Variants in MACROD2 observed in about 807,000 individuals in gnomAD.
The protein encoded by MACROD2 is mono-ADP ribosylhydrolase 2.
Under a neutral mutation model 70.4 loss-of-function variants are expected in MACROD2, and 36 were observed. The observed-to-expected ratio is 0.51, with a 90% confidence interval of 0.39 to 0.68. MACROD2 has a LOEUF of 0.68. MACROD2 is among the 30% of genes least tolerant of loss of function. The pLI is 0.00. For synonymous variants in MACROD2, 172 were observed against 178.8 expected (o/e 0.96, Z 0.30); for missense variants, 496 against 538.4 (o/e 0.92, Z 0.78).
chr20:14,372,113 A>G (rs1029509296), intron 3 of MACROD2, among the ~76,000 whole-genome samples: 38 of 152,164 alleles, frequency 2.5e-4, no homozygotes, highest in African/African-American at 8.4e-4. Context: ...TGAGCCCTGC[A>G]TAGGCTTGGT....
intron 12 of MACROD2, among the ~76,000 whole-genome samples, chr20:15,955,557 T>C (rs1212812854): frequency 6.6e-6 from 1 of 152,138 alleles, no homozygotes; most frequent in Non-Finnish European, 1.5e-5. Flanking sequence ...AAGCTATAAT[T>C]TTCCATCTTC....
chr20:15,914,040 A>G (rs1397781189), intron 10 of MACROD2, among the ~76,000 whole-genome samples: 1 of 152,230 alleles, frequency 6.6e-6, no homozygotes, highest in African/African-American at 2.4e-5. Context: ...TTGTTTAAAG[A>G]GTTCTTTAGG....
In MACROD2 at chr20:15,400,836, A is replaced by G. The variant is rs76453122; in HGVS notation, c.541-30569A>G. Among the ~76,000 whole-genome samples, 10 of 152,282 alleles carry G rather than the reference A, an allele frequency of 6.6e-5. No homozygotes were observed. In the East Asian group the frequency reaches 1.2e-3, roughly 18 times the overall value. On this transcript the variant is annotated intron_variant, in intron 6 of 17. Coordinates refer to ENST00000684519, the MANE Select transcript of MACROD2 (RefSeq NM_001351661.2). The stretch of plus-strand genomic sequence containing the variant: ...CTCTCCTGGTCGGTGTCCGGGTTTT[A>G]CCAGAAAGCACTGACTAAGAAAATG...
At chr20:15,348,896 C>T (rs1011079241) in intron 6 of MACROD2, among the ~76,000 whole-genome samples, 1 of 151,990 alleles carries the variant, frequency 6.6e-6, no homozygotes, top group African/African-American at 2.4e-5. Flanking sequence ...CATTGTGTTA[C>T]CGAAATAATC....
At chr20:15,467,249 T>C (rs1222290145) in intron 7 of MACROD2, among the ~76,000 whole-genome samples, 2 of 152,180 alleles carry the variant, frequency 1.3e-5, no homozygotes, top group South Asian at 2.1e-4. Flanking sequence ...ACAAGCCAAC[T>C]CCGAAGTGTA....
chr20:15,565,097 A>T (rs2146614508), intron 8 of MACROD2, among the ~76,000 whole-genome samples: 1 of 152,320 alleles, frequency 6.6e-6, no homozygotes, highest in Non-Finnish European at 1.5e-5. Flanking sequence ...GACAATATGG[A>T]GCAGCTACCC....
chr20:14,806,387 G>A (rs2072639383), intron 5 of MACROD2, among the ~76,000 whole-genome samples: 1 of 152,100 alleles, frequency 6.6e-6, no homozygotes, highest in African/African-American at 2.4e-5. Flanking sequence ...GGGAAGTCTT[G>A]AGGGACGGTG....
At chr20:14,574,003 A>G (rs1345158392) in intron 4 of MACROD2, among the ~76,000 whole-genome samples, 1 of 152,170 alleles carries the variant, frequency 6.6e-6, no homozygotes, top group Non-Finnish European at 1.5e-5. Flanking sequence ...TTTTGAGCAC[A>G]TGAAGTAGTA....
At chr20:14,560,346 C>T (rs1321415135) in intron 4 of MACROD2, among the ~76,000 whole-genome samples, 1 of 124,998 alleles carries the variant, frequency 8.0e-6, no homozygotes. Context: ...CACAGGTGCA[C>T]GCATGTGTGT....
intron 10 of MACROD2, among the ~76,000 whole-genome samples, chr20:15,889,547 A>T (rs915081021): frequency 1.3e-5 from 2 of 152,178 alleles, no homozygotes; most frequent in African/African-American, 4.8e-5. Flanking sequence ...ATGGTATCAG[A>T]CATGGTCATC....
At chr20:15,724,308 A>G (rs544674276) in intron 8 of MACROD2, among the ~76,000 whole-genome samples, 1 of 152,284 alleles carries the variant, frequency 6.6e-6, no homozygotes, top group East Asian at 1.9e-4. Flanking sequence ...TATTTCATGG[A>G]TTATGCCTTT....
intron 5 of MACROD2, among the ~76,000 whole-genome samples, chr20:15,018,392 T>G (rs1285582871): frequency 2.0e-5 from 3 of 152,316 alleles, no homozygotes; most frequent in Admixed American, 1.3e-4. Context: ...CTCAGCATTT[T>G]GGGCAAAGCT....
chr20:15,896,381 C>T (rs1482980806), intron 10 of MACROD2, among the ~76,000 whole-genome samples: 2 of 152,046 alleles, frequency 1.3e-5, no homozygotes, highest in East Asian at 1.9e-4. Flanking sequence ...CTAGATTTTC[C>T]AGCATATATA....
chr20:15,824,258 T>C (rs187110799), intron 8 of MACROD2, among the ~76,000 whole-genome samples: 1 of 152,260 alleles, frequency 6.6e-6, no homozygotes, highest in East Asian at 1.9e-4. Flanking sequence ...TCTCTCTCTC[T>C]GTGTGCGTGT....
intron 5 of MACROD2, among the ~76,000 whole-genome samples, chr20:14,871,212 C>A (rs1322424196): frequency 6.6e-6 from 1 of 152,030 alleles, no homozygotes; most frequent in African/African-American, 2.4e-5. Context: ...AACACATAAT[C>A]ATCAGCTTCT....
At chr20:14,314,248 A>G (rs752660946) in intron 3 of MACROD2, among the ~76,000 whole-genome samples, 9 of 152,198 alleles carry the variant, frequency 5.9e-5, no homozygotes, top group Non-Finnish European at 8.8e-5. Context: ...CAGCAGAGTA[A>G]TGTAATGAGC....
chr20:15,621,461 G>T (rs1277098569), intron 8 of MACROD2, among the ~76,000 whole-genome samples: 2 of 152,182 alleles, frequency 1.3e-5, no homozygotes, highest in East Asian at 3.9e-4. Context: ...AATGTATTAA[G>T]AATTATTTAT....
At chr20:14,732,045 A>G (rs891093577) in intron 5 of MACROD2, among the ~76,000 whole-genome samples, 6 of 152,190 alleles carry the variant, frequency 3.9e-5, no homozygotes, top group Non-Finnish European at 1.5e-5. Flanking sequence ...TAACACATAG[A>G]AACACAACTG....
chr20:15,420,732 G>T (rs2046216876), intron 6 of MACROD2, among the ~76,000 whole-genome samples: 1 of 151,984 alleles, frequency 6.6e-6, no homozygotes, highest in Non-Finnish European at 1.5e-5. Context: ...TGGTTAAGTG[G>T]GTTAATTTTA....
Sources: allele counts gnomAD v4.1 joint callset (sites outside exome capture counted in the v4.1 genomes callset), GRCh38; gene constraint gnomAD v4.1.1; transcripts MANE v1.5; gene names NCBI Gene and HGNC (gene_info 2026-07-23, HGNC 2026-07-21).